XYLT1: variants seen among roughly 807,000 people sequenced by gnomAD.
The protein encoded by XYLT1 is xylosyltransferase 1.
XYLT1 carries 36 observed loss-of-function variants against 91.3 expected under a neutral mutation model. That is an observed-to-expected ratio of 0.39 (90% CI 0.30 to 0.52). The LOEUF (loss-of-function observed/expected upper bound fraction) is 0.52, where lower values mean the gene tolerates loss of function less well. XYLT1 is among the 20% of genes least tolerant of loss of function. XYLT1 has a pLI of 0.68. For synonymous variants in XYLT1, 588 were observed against 532.0 expected (o/e 1.11, Z -1.45); for missense variants, 1,242 against 1,284.5 (o/e 0.97, Z 0.51).
At chr16:17,410,202 T>C (rs1366184095) in intron 1 of XYLT1, among the ~76,000 whole-genome samples, 3 of 152,310 alleles carry the variant, frequency 2.0e-5, no homozygotes, top group South Asian at 2.1e-4. Flanking sequence ...AAAGTATTGA[T>C]ACAAAAGGTG....
At chr16:17,458,016 G>T (rs1043004781) in intron 1 of XYLT1, among the ~76,000 whole-genome samples, 4 of 152,098 alleles carry the variant, frequency 2.6e-5, no homozygotes, top group Non-Finnish European at 5.9e-5. Context: ...CATCTAGTCT[G>T]GTTTTAATAC....
intron 3 of XYLT1, among the ~76,000 whole-genome samples, chr16:17,219,230 G>A (rs1399486660): frequency 4.8e-5 from 7 of 146,256 alleles, no homozygotes. Context: ...GCAGTGTGCT[G>A]AGGTCGTGCC....
intron 8 of XYLT1, 192 bp downstream of exon 8, chr16:17,138,163 G>GGTCAGAACATCCCTGAA: frequency 1.7e-6 from 1 of 589,480 alleles, no homozygotes; most frequent in South Asian, 2.8e-5. Flanking sequence ...GAGTCAATGT[G>GGTCAGAACATCCCTGAA]GTTAGAACAT....
At chr16:17,302,958 C>T (rs1214030294) in intron 2 of XYLT1, among the ~76,000 whole-genome samples, 2 of 151,794 alleles carry the variant, frequency 1.3e-5, no homozygotes, top group African/African-American at 4.9e-5. Flanking sequence ...TGACCGTGAG[C>T]TTAATGCAAG....
intron 8 of XYLT1, among the ~76,000 whole-genome samples, chr16:17,135,867 G>C (rs537487775): frequency 1.3e-5 from 2 of 152,344 alleles, no homozygotes; most frequent in African/African-American, 4.8e-5. Flanking sequence ...ACAGACAAGA[G>C]ACTAAATAAA....
At chr16:17,170,279 G>C (rs1021516467) in intron 5 of XYLT1, among the ~76,000 whole-genome samples, 1 of 152,192 alleles carries the variant, frequency 6.6e-6, no homozygotes, top group Non-Finnish European at 1.5e-5. Flanking sequence ...CACACTTGTG[G>C]TTCCTAGCAA....
chr16:17,111,737 G>A (rs1966841239), intron 11 of XYLT1, among the ~76,000 whole-genome samples: 1 of 152,214 alleles, frequency 6.6e-6, no homozygotes, highest in Non-Finnish European at 1.5e-5. Context: ...AAGCAAAAGG[G>A]TTGGGTTCTG....
chr16:17,120,749 C>T (rs1453089493), intron 10 of XYLT1, among the ~76,000 whole-genome samples: 3 of 152,142 alleles, frequency 2.0e-5, no homozygotes, highest in African/African-American at 4.8e-5. Flanking sequence ...ATGGCATGCT[C>T]ACCAATATGT....
In XYLT1 at chr16:17,225,288, C is replaced by T. The variant is rs187096194; in HGVS notation, c.914-24634G>A. On this transcript the variant is annotated intron_variant, in intron 3 of 11. Transcript: ENST00000261381. ...CCCAGTCTCCATGGGCCATGTCCCT[C>T]TCCCTTTCCTCCTCCTTTTTAGGAC... is the stretch of plus-strand genomic sequence containing the variant. 1.9e-3 allele frequency among the ~76,000 whole-genome samples: 286 copies of T among 152,278 alleles called. 1 individual carries two copies. The highest frequency in any genetic ancestry group is 2.7e-3 in the Non-Finnish European group (184 of 68,026).
At chr16:17,287,507 C>G (rs985914437) in intron 2 of XYLT1, among the ~76,000 whole-genome samples, 1 of 152,184 alleles carries the variant, frequency 6.6e-6, no homozygotes, top group South Asian at 2.1e-4. Flanking sequence ...TCTCCCCACC[C>G]CAATCAGGCA....
In XYLT1 at chr16:17,441,152, C is replaced by T. The variant is rs577692918; in HGVS notation, c.363+29282G>A. On this transcript the variant is annotated intron_variant, in intron 1 of 11. Coordinates refer to ENST00000261381, the MANE Select transcript of XYLT1 (RefSeq NM_022166.4). The stretch of plus-strand genomic sequence containing the variant: ...TCATGCCTCCGCACTCCAGCCTGGG[C>T]GACAGAACGCCTCCCAGGTTCAAGC... 4.0e-5 allele frequency among the ~76,000 whole-genome samples: 6 copies of T among 151,768 alleles called. No homozygotes were observed. The South Asian group carries it at 6.3e-4, about 16-fold the overall frequency.
chr16:17,242,509 T>A (rs1005814874), intron 3 of XYLT1, among the ~76,000 whole-genome samples: 1 of 152,196 alleles, frequency 6.6e-6, no homozygotes, highest in African/African-American at 2.4e-5. Flanking sequence ...AGCCTCACTC[T>A]GCAGGAGAAT....
At chr16:17,288,042 A>T (rs2141794387) in intron 2 of XYLT1, among the ~76,000 whole-genome samples, 1 of 151,026 alleles carries the variant, frequency 6.6e-6, no homozygotes, top group South Asian at 2.1e-4. Context: ...GTGATCTCCC[A>T]CCTCAGCCTC....
chr16:17,369,226 T>G (rs1278286615), intron 1 of XYLT1, among the ~76,000 whole-genome samples: 1 of 150,226 alleles, frequency 6.7e-6, no homozygotes, highest in Non-Finnish European at 1.5e-5. Flanking sequence ...ACCTCCCGGG[T>G]TCAAGCGATT....
intron 2 of XYLT1, among the ~76,000 whole-genome samples, chr16:17,337,775 C>CTTTTTTTTTTTTTTTTTTTTTTTT (rs71373106): frequency 8.8e-6 from 1 of 114,216 alleles, no homozygotes; most frequent in African/African-American, 4.2e-5. Flanking sequence ...CACATTTTTT[C>CTTTTTTTTTTTTTTTTTTTTTTTT]TTTTTCTTTT....
chr16:17,255,620 T>C (rs2033619010), intron 3 of XYLT1, among the ~76,000 whole-genome samples: 2 of 152,208 alleles, frequency 1.3e-5, no homozygotes, highest in Non-Finnish European at 2.9e-5. Context: ...CCAAATCTAA[T>C]CAAGAATATA....
intron 10 of XYLT1, among the ~76,000 whole-genome samples, chr16:17,119,630 G>C (rs1359442426): frequency 1.3e-5 from 2 of 152,210 alleles, no homozygotes; most frequent in African/African-American, 2.4e-5. Flanking sequence ...AGGGATTACA[G>C]TGTGCCAGGC....
chr16:17,190,470 G>A (rs1240145575), intron 5 of XYLT1, among the ~76,000 whole-genome samples: 1 of 114,884 alleles, frequency 8.7e-6, no homozygotes, highest in Non-Finnish European at 1.7e-5. Context: ...ACAGTCCCCG[G>A]TGTGTGATGT....
chr16:17,164,775 TA>T (rs1373154761), intron 5 of XYLT1, among the ~76,000 whole-genome samples: 6 of 152,204 alleles, frequency 3.9e-5, no homozygotes, highest in African/African-American at 1.4e-4. Flanking sequence ...TGTTACACAT[TA>T]AAAACATTAA....
Sources: allele counts gnomAD v4.1 joint callset (sites outside exome capture counted in the v4.1 genomes callset), GRCh38; gene constraint gnomAD v4.1.1; transcripts MANE v1.5; gene names NCBI Gene and HGNC (gene_info 2026-07-23, HGNC 2026-07-21).